Variants in NT5C2 observed in about 807,000 individuals in gnomAD.
NT5C2 encodes 5'-nucleotidase, cytosolic II.
A neutral mutation model predicts 76.1 loss-of-function variants in NT5C2; 58 were observed. The ratio of observed to expected loss-of-function variants is 0.76; its 90% CI spans 0.62 to 0.95. The LOEUF (loss-of-function observed/expected upper bound fraction) is 0.95. Among genes scored for constraint, NT5C2 ranks in the 40% least tolerant of loss-of-function variants. The pLI is 0.00. For synonymous variants in NT5C2, 229 were observed against 237.4 expected, an observed-to-expected ratio of 0.96 and a Z score of 0.32; for missense variants, 478 against 690.3, an observed-to-expected ratio of 0.69 and a Z score of 3.45.
intron 1 of NT5C2, among the ~76,000 whole-genome samples, chr10:103,183,262 G>GATATATATATAT (rs201371414): frequency 0.051 from 3,719 of 73,116 alleles, 245 homozygotes; most frequent in African/African-American, 0.098. Context: ...GTGTGTGTGT[G>GATATATATATAT]ATATATATAT....
chr10:103,141,028 C>T (rs2080322529), intron 3 of NT5C2, among the ~76,000 whole-genome samples: 1 of 152,180 alleles, frequency 6.6e-6, no homozygotes, highest in Non-Finnish European at 1.5e-5. Context: ...GGTAGTCCCA[C>T]TTGTTTTTGC....
intron 3 of NT5C2, among the ~76,000 whole-genome samples, chr10:103,170,585 T>C (rs1377969120): frequency 6.7e-6 from 1 of 148,958 alleles, no homozygotes; most frequent in African/African-American, 2.5e-5. Flanking sequence ...GCTGGTGGCA[T>C]GATCTCAGCT....
At chr10:103,099,415 G>T (rs1564951150) in intron 9 of NT5C2, among the ~76,000 whole-genome samples, 1 of 152,140 alleles carries the variant, frequency 6.6e-6, no homozygotes, top group Non-Finnish European at 1.5e-5. Flanking sequence ...TGGAAAAGTG[G>T]ACAAACTAGA....
chr10:103,167,399 G>T (rs2086665887), intron 3 of NT5C2, among the ~76,000 whole-genome samples: 1 of 152,046 alleles, frequency 6.6e-6, no homozygotes, highest in African/African-American at 2.4e-5. Flanking sequence ...AATTTACAAA[G>T]TGGCTACTGA....
At chr10:103,136,842 TCTCGAA>T (rs1258766860) in intron 4 of NT5C2, among the ~76,000 whole-genome samples, 5 of 152,102 alleles carry the variant, frequency 3.3e-5, no homozygotes, top group African/African-American at 1.2e-4. Context: ...GGCAGGCTGG[TCTCGAA>T]CTCCTGTCAA....
At chr10:103,163,843 C>T (rs572741646) in intron 3 of NT5C2, among the ~76,000 whole-genome samples, 5 of 143,140 alleles carry the variant, frequency 3.5e-5, no homozygotes, top group Admixed American at 2.8e-4. Flanking sequence ...ATAGTGAAAC[C>T]GTCTCTACTA....
chr10:103,109,907 A>G (rs1346938295), intron 4 of NT5C2, among the ~76,000 whole-genome samples: 1 of 152,234 alleles, frequency 6.6e-6, no homozygotes, highest in East Asian at 1.9e-4. Context: ...CAGAAAATAA[A>G]AACACTATAC....
rs895532096 is a variant in NT5C2 at position 103,159,059 on chromosome 10, A to G, written c.101+15799T>C. Among the ~76,000 whole-genome samples the G allele has an allele frequency of 2.4e-4, 37 of 152,172 alleles. 1 individual carries two copies. The highest frequency in any genetic ancestry group is 8.4e-4 in the African/African-American group (35 of 41,426). On this transcript the variant is annotated intron_variant, in intron 3 of 18. Transcript: ENST00000404739. Reference sequence around the variant, plus strand: ...AGATCTATCAGTAGTAAGGAGATTAAGTCAGTAATCAAAAAACTTCTAACA... The same window carrying G: ...AGATCTATCAGTAGTAAGGAGATTAGGTCAGTAATCAAAAAACTTCTAACA...
intron 14 of NT5C2, chr10:103,093,726 A>G: frequency 2.1e-6 from 1 of 484,712 alleles, no homozygotes; most frequent in South Asian, 3.6e-5. Context: ...AGCACTGAGA[A>G]AAAGCCTCCA....
chr10:103,172,247 A>ATT (rs34644789), intron 3 of NT5C2, among the ~76,000 whole-genome samples: 2,157 of 141,120 alleles, frequency 0.015, 57 homozygotes, highest in African/African-American at 0.05. Context: ...TTAACTTTAA[A>ATT]TTTTTTTTTT....
intron 3 of NT5C2, among the ~76,000 whole-genome samples, chr10:103,155,901 C>T (rs2083275695): frequency 6.6e-6 from 1 of 152,154 alleles, no homozygotes; most frequent in South Asian, 2.1e-4. Flanking sequence ...CCATGGCTCA[C>T]ACCTGTAATC....
intron 11 of NT5C2, among the ~76,000 whole-genome samples, chr10:103,096,405 G>A (rs12412038): frequency 0.088 from 13,465 of 152,240 alleles, 841 homozygotes; most frequent in East Asian, 0.28. Context: ...TCTAAATCAA[G>A]TTTACATGTA....
chr10:103,099,813 T>A lies in NT5C2; in HGVS notation c.633+113A>T, dbSNP rs2069103015. ...AGGGCTATCACTAGGCGGGGGCAAA[T>A]CTGTTTTTTCTTTTTTTAAAAAAAG... On this transcript the variant is annotated intron_variant, in intron 9 of 18. Coordinates refer to ENST00000404739, the MANE Select transcript of NT5C2 (RefSeq NM_001351169.2). The A allele has an allele frequency of 4.7e-6, 3 of 643,018 alleles. No individual in the cohort carries two copies. The South Asian group carries it at 5.9e-5, about 13-fold the overall frequency. 39.8% of individuals were successfully genotyped at this position (643,018 alleles called of 1,614,324 possible).
chr10:103,093,883 G>T, intron 14 of NT5C2, 89 bp downstream of exon 14: 1 of 965,736 alleles, frequency 1.0e-6, no homozygotes, highest in Non-Finnish European at 1.7e-6. Flanking sequence ...CTACTAAACA[G>T]TATATGTGGC....
chr10:103,098,946 C>G lies in NT5C2; in HGVS notation c.672G>C (p.Lys224Asn), dbSNP rs774747772. 3.1e-6 allele frequency: 5 copies of G among 1,607,468 alleles called. 1 individual carries two copies. In the South Asian group the frequency reaches 5.5e-5, roughly 18 times the overall value. The change falls in exon 10 of 19, where the codon AAG becomes AAC. Residue 224 changes from lysine (K) to asparagine (N), a missense_variant. Coordinates refer to ENST00000404739, the MANE Select transcript of NT5C2 (RefSeq NM_001351169.2). ...TATTACTTACATCTTTGACTACATA[C>G]TTCTCAAGATTTTCAACTGTCTTTT... is the stretch of plus-strand genomic sequence containing the variant. ...LKEKTVENLE[K>N]YVVKDGKLPL...
In NT5C2 at chr10:103,142,363, C is replaced by T. The variant is rs532353584; in HGVS notation, c.102-2884G>A. ...GTAGATCATCAGCATGATGGTCTTT[C>T]AGGGTAAGTTTTAATCATCTTTAAA... is the stretch of plus-strand genomic sequence containing the variant. On this transcript the variant is annotated intron_variant, in intron 3 of 18. Transcript: ENST00000404739. 2.6e-5 allele frequency among the ~76,000 whole-genome samples: 4 copies of T among 152,236 alleles called. No individual in the cohort carries two copies. In the South Asian group the frequency reaches 8.3e-4, roughly 32 times the overall value.
intron 1 of NT5C2, among the ~76,000 whole-genome samples, chr10:103,184,106 C>T (rs558940807): frequency 6.6e-6 from 1 of 151,440 alleles, no homozygotes; most frequent in Non-Finnish European, 1.5e-5. Context: ...GCATGAGCCA[C>T]CACGCCCGGC....
intron 1 of NT5C2, among the ~76,000 whole-genome samples, chr10:103,189,951 T>A (rs2092488458): frequency 6.7e-6 from 1 of 149,074 alleles, no homozygotes. Flanking sequence ...ATTACAGGCG[T>A]GAGCCACCGC....
At chr10:103,184,465 C>T (rs1306697581) in intron 1 of NT5C2, among the ~76,000 whole-genome samples, 2 of 152,178 alleles carry the variant, frequency 1.3e-5, no homozygotes, top group Non-Finnish European at 2.9e-5. Context: ...TTGTTTTTTG[C>T]ACATAACCCT....
Sources: allele counts gnomAD v4.1 joint callset (sites outside exome capture counted in the v4.1 genomes callset), GRCh38; gene constraint gnomAD v4.1.1; transcripts MANE v1.5; gene names NCBI Gene and HGNC (gene_info 2026-07-23, HGNC 2026-07-21).